Variants in MIPOL1 observed in about 807,000 individuals in gnomAD.
MIPOL1 encodes mirror-image polydactyly gene 1 protein.
A neutral mutation model predicts 60.9 loss-of-function variants in MIPOL1; 57 were observed. That is an observed-to-expected ratio of 0.94 (90% CI 0.76 to 1.17). The LOEUF (loss-of-function observed/expected upper bound fraction) is 1.17. Ranked by LOEUF, MIPOL1 falls within the 50% of genes most tolerant of loss-of-function variation. The pLI is 0.00. For synonymous variants in MIPOL1, 179 were observed against 168.8 expected (o/e 1.06, Z -0.47); for missense variants, 551 against 511.6 (o/e 1.08, Z -0.74).
intron 1 of MIPOL1, among the ~76,000 whole-genome samples, chr14:37,222,251 G>A (rs537868667): frequency 2.7e-5 from 4 of 149,676 alleles, no homozygotes; most frequent in East Asian, 3.9e-4. Context: ...ATTGGGTCTC[G>A]CTCTGTCTCC....
chr14:37,506,735 A>C (rs913463097), intron 12 of MIPOL1: 2 of 152,218 alleles, frequency 1.3e-5, no homozygotes, highest in African/African-American at 2.4e-5. Flanking sequence ...ACAAAAACCA[A>C]AATTGACAAA....
At chr14:37,205,836 A>C (rs1207017720) in intron 1 of MIPOL1, among the ~76,000 whole-genome samples, 1 of 152,080 alleles carries the variant, frequency 6.6e-6, no homozygotes, top group Non-Finnish European at 1.5e-5. Context: ...CCATGGTGTA[A>C]ATGTGCCACA....
intron 10 of MIPOL1, among the ~76,000 whole-genome samples, chr14:37,379,400 A>C (rs561931721): frequency 1.2e-3 from 180 of 152,086 alleles, no homozygotes; most frequent in Non-Finnish European, 2.0e-3. Flanking sequence ...TGCGTCCTTC[A>C]GTTAGGCAAA....
chr14:37,497,211 C>T (rs992125186), intron 11 of MIPOL1, among the ~76,000 whole-genome samples: 3 of 152,092 alleles, frequency 2.0e-5, no homozygotes, highest in Admixed American at 6.5e-5. Context: ...ACCTAGGCAT[C>T]ACCATTCAGG....
At chr14:37,248,618 A>G (rs1221073995) in intron 3 of MIPOL1, among the ~76,000 whole-genome samples, 1 of 150,956 alleles carries the variant, frequency 6.6e-6, no homozygotes, top group Non-Finnish European at 1.5e-5. Context: ...AGATACAGAT[A>G]TCTATATCTA....
chr14:37,275,319 T>C (rs1281475112), intron 6 of MIPOL1, among the ~76,000 whole-genome samples: 2 of 151,234 alleles, frequency 1.3e-5, no homozygotes, highest in Non-Finnish European at 3.0e-5. Context: ...CTTCAAATAC[T>C]AGGGGATGTT....
At chr14:37,283,888 C>T (rs979028261) in intron 6 of MIPOL1, among the ~76,000 whole-genome samples, 1 of 152,106 alleles carries the variant, frequency 6.6e-6, no homozygotes, top group African/African-American at 2.4e-5. Flanking sequence ...ATACTGTTTT[C>T]CATACTATGC....
intron 11 of MIPOL1, among the ~76,000 whole-genome samples, chr14:37,476,413 T>C (rs2094774789): frequency 6.6e-6 from 1 of 152,192 alleles, no homozygotes; most frequent in African/African-American, 2.4e-5. Context: ...TCCCAATCTT[T>C]ATACCTTTCA....
At chr14:37,322,063 C>T (rs1012794200) in intron 9 of MIPOL1, among the ~76,000 whole-genome samples, 22 of 151,874 alleles carry the variant, frequency 1.4e-4, no homozygotes, top group African/African-American at 5.1e-4. Context: ...TTAGGCATCC[C>T]TCTGTCCATC....
intron 1 of MIPOL1, among the ~76,000 whole-genome samples, chr14:37,205,543 A>G (rs1002844309): frequency 2.6e-5 from 4 of 151,996 alleles, no homozygotes; most frequent in African/African-American, 9.7e-5. Flanking sequence ...AGGTATATAC[A>G]TGTGCCATGT....
intron 1 of MIPOL1, among the ~76,000 whole-genome samples, chr14:37,218,120 T>C (rs1423782800): frequency 1.3e-5 from 2 of 152,104 alleles, no homozygotes; most frequent in South Asian, 4.1e-4. Flanking sequence ...AGTTTCTTTC[T>C]TTTCTATTTT....
intron 1 of MIPOL1, among the ~76,000 whole-genome samples, chr14:37,236,047 C>T (rs1002520362): frequency 2.6e-5 from 4 of 151,900 alleles, no homozygotes; most frequent in Non-Finnish European, 5.9e-5. Context: ...CTGTCTCAGC[C>T]TCCTGAGTAG....
In MIPOL1 at chr14:37,394,069, T is replaced by TAC. The variant is rs1041799492; in HGVS notation, c.936+24446_936+24447insCA. On this transcript the variant is annotated intron_variant, in intron 10 of 12. Transcript: ENST00000684589. ...GGCTTAGTAGTGGCATATATATATATATATATATATATATATCTCCATGTT... is the reference window on the plus strand; with the variant it reads ...GGCTTAGTAGTGGCATATATATATATACATATATATATATATATCTCCATGTT... Among the ~76,000 whole-genome samples, 12 of 133,866 alleles carry TAC rather than the reference T, an allele frequency of 9.0e-5. 1 individual carries two copies. The highest frequency in any genetic ancestry group is 3.0e-4 in the African/African-American group (11 of 36,368). 87.8% of individuals were successfully genotyped at this position (133,866 alleles called of 152,430 possible). A position where few individuals can be genotyped will look rare whatever the true frequency, so the allele number is the denominator to read the frequency against.
chr14:37,464,457 T>C (rs2094575070), intron 11 of MIPOL1, among the ~76,000 whole-genome samples: 4 of 152,188 alleles, frequency 2.6e-5, no homozygotes, highest in Admixed American at 2.6e-4. Flanking sequence ...GAGGTCATTA[T>C]CCTAAGAGAA....
intron 11 of MIPOL1, among the ~76,000 whole-genome samples, chr14:37,481,783 C>T (rs2094875379): frequency 6.6e-6 from 1 of 152,068 alleles, no homozygotes. Flanking sequence ...AATGAACGCT[C>T]ATATATATCA....
intron 11 of MIPOL1, among the ~76,000 whole-genome samples, chr14:37,459,265 C>T (rs988007053): frequency 5.9e-5 from 9 of 151,882 alleles, no homozygotes; most frequent in Non-Finnish European, 1.3e-4. Context: ...AATTGATAAA[C>T]GACTAGCTAG....
intron 1 of MIPOL1, among the ~76,000 whole-genome samples, chr14:37,220,386 A>G (rs937413298): frequency 2.0e-5 from 3 of 152,310 alleles, no homozygotes; most frequent in African/African-American, 4.8e-5. Flanking sequence ...TTTAAGCAGC[A>G]TGTCTTGAAA....
chr14:37,434,294 C>CT (rs1163915847), intron 11 of MIPOL1, among the ~76,000 whole-genome samples: 13 of 152,110 alleles, frequency 8.5e-5, no homozygotes, highest in Non-Finnish European at 1.8e-4. Context: ...TGGTGATGAG[C>CT]TTTTTTTCAT....
At chr14:37,262,407 A>G (rs572372223) in intron 3 of MIPOL1, among the ~76,000 whole-genome samples, 7 of 152,224 alleles carry the variant, frequency 4.6e-5, no homozygotes, top group Admixed American at 2.0e-4. Context: ...TTGCACTCCA[A>G]TAGGAAAAGG....
Sources: gnomAD v4.1 joint callset for allele counts (sites outside exome capture counted in the v4.1 genomes callset) on GRCh38, gnomAD v4.1.1 for gene constraint, MANE v1.5 for transcripts, NCBI Gene and HGNC (gene_info 2026-07-23, HGNC 2026-07-21) for gene names.